CFAP97D2: variants seen among roughly 807,000 people sequenced by gnomAD.
CFAP97D2 encodes CFAP97 domain containing 2.
chr13:114,205,716 T>C (rs961716252), intron 3 of CFAP97D2, among the ~76,000 whole-genome samples: 2 of 152,120 alleles, frequency 1.3e-5, no homozygotes, highest in Non-Finnish European at 2.9e-5. Context: ...GACACACAGG[T>C]CTTCTGGGCT....
chr13:114,212,088 C>T (rs1267637868), exon 4 of CFAP97D2: 4 of 398,508 alleles, frequency 1.0e-5, no homozygotes, highest in East Asian at 3.6e-5. Context: ...ACAGCAGATA[C>T]GCCTAGCAAA....
In CFAP97D2 at chr13:114,211,954, G is replaced by A. The variant is rs2080968210; in HGVS notation, c.333G>A (p.Arg111=). Reference sequence around the variant, plus strand: ...GAGAACAGGAACTTCGCAGAGTGCGGAAGAAAACACGGCCATTCTGGAAGG... The same window carrying A: ...GAGAACAGGAACTTCGCAGAGTGCGAAAGAAAACACGGCCATTCTGGAAGG... The change falls in exon 4 of 5, where the codon CGG becomes CGA. Residue 111 remains arginine (R), a synonymous_variant. Coordinates refer to ENST00000646158, the Ensembl canonical transcript of CFAP97D2. The surrounding 1 kb of genome is among the most constrained non-coding windows in gnomAD (Gnocchi z 4.2). 2 of 398,772 alleles carry A rather than the reference G, an allele frequency of 5.0e-6. No homozygotes were observed. The highest frequency in any genetic ancestry group is 6.3e-4 in the Middle Eastern group (1 of 1,590). 24.7% of individuals were successfully genotyped at this position (398,772 alleles called of 1,614,324 possible).
chr13:114,214,747 C>T (rs1439965732), intron 4 of CFAP97D2, among the ~76,000 whole-genome samples: 6 of 152,068 alleles, frequency 3.9e-5, no homozygotes, highest in East Asian at 1.9e-4. Flanking sequence ...CCACTGCACC[C>T]GGCCATATTT....
At chr13:114,218,539 A>G (rs894003421) in intron 4 of CFAP97D2, among the ~76,000 whole-genome samples, 2 of 152,214 alleles carry the variant, frequency 1.3e-5, no homozygotes, top group Admixed American at 6.5e-5. Context: ...TGAAGTTCAT[A>G]TGGAACCAAA....
At chr13:114,218,802 G>C (rs1008911426) in intron 4 of CFAP97D2, among the ~76,000 whole-genome samples, 1 of 152,218 alleles carries the variant, frequency 6.6e-6, no homozygotes, top group Non-Finnish European at 1.5e-5. Flanking sequence ...AATAAATGGT[G>C]CTGGGAAAAC....
chr13:114,184,743 A>T (rs1566611066), intron 1 of CFAP97D2, among the ~76,000 whole-genome samples: 1 of 152,238 alleles, frequency 6.6e-6, no homozygotes, highest in Non-Finnish European at 1.5e-5. Context: ...CTTTAGAGAG[A>T]ACAAAAATGG....
intron 1 of CFAP97D2, among the ~76,000 whole-genome samples, chr13:114,190,616 C>G (rs1054951576): frequency 1.3e-5 from 2 of 152,092 alleles, no homozygotes; most frequent in African/African-American, 4.8e-5. Context: ...AAGAAAACTA[C>G]AAAACTCTGA....
intron 4 of CFAP97D2, among the ~76,000 whole-genome samples, chr13:114,217,253 C>G (rs1256363341): frequency 2.0e-5 from 3 of 152,204 alleles, no homozygotes; most frequent in Non-Finnish European, 2.9e-5. Flanking sequence ...ATAAACACCT[C>G]TACGCAAATA....
intron 1 of CFAP97D2, among the ~76,000 whole-genome samples, chr13:114,196,161 C>T (rs545513562): frequency 2.0e-5 from 3 of 151,784 alleles, no homozygotes; most frequent in South Asian, 4.2e-4. Flanking sequence ...AAATTCTCAC[C>T]CTGCACCCAC....
chr13:114,191,584 T>G (rs753740335), intron 1 of CFAP97D2, among the ~76,000 whole-genome samples: 3 of 152,218 alleles, frequency 2.0e-5, no homozygotes, highest in Admixed American at 1.3e-4. Flanking sequence ...TCCAGAACAC[T>G]GACAACACCA....
Position 114,203,232 on chromosome 13 carries a change from A to T in CFAP97D2, c.290+2789A>T, listed in dbSNP as rs1165816891. ...CAAGTTCAACAAGGTTGCAGAATAC[A>T]AGATCAATACACAAAAATCAATTGT... On this transcript the variant is annotated intron_variant, in intron 3 of 4. Transcript: ENST00000646158. This position sits in a 1 kb window ranked among gnomAD's most constrained non-coding sequence, Gnocchi z 4.3. 2.0e-5 allele frequency among the ~76,000 whole-genome samples: 3 copies of T among 152,244 alleles called. No homozygotes were observed. Among genetic ancestry groups the T allele is most frequent in the African/African-American group, 4.8e-5 (2 of 41,472 alleles).
Position 114,185,463 on chromosome 13 carries a change from G to A in CFAP97D2, c.90+6043G>A, listed in dbSNP as rs1170792318. 6.6e-6 allele frequency among the ~76,000 whole-genome samples: 1 copy of A among 152,186 alleles called. No individual in the cohort carries two copies. The highest frequency in any genetic ancestry group is 1.5e-5 in the Non-Finnish European group (1 of 68,032). ...AGCCTGTGGGAGCCAGGAATGAGTG[G>A]GAGCCCCACCCCTTCTGAGTTGGCA... On this transcript the variant is annotated intron_variant, in intron 1 of 4. Coordinates refer to ENST00000646158, the Ensembl canonical transcript of CFAP97D2. This position sits in a 1 kb window ranked among gnomAD's most constrained non-coding sequence, Gnocchi z 5.2.
chr13:114,187,806 A>G lies in CFAP97D2; in HGVS notation c.90+8386A>G. On this transcript the variant is annotated intron_variant, in intron 1 of 4. Transcript: ENST00000646158. The surrounding 1 kb of genome is among the most constrained non-coding windows in gnomAD (Gnocchi z 4.2). The stretch of plus-strand genomic sequence containing the variant: ...AACAGGATAATACTCATTCTTCTCA[A>G]GCTCACATGGAATATTCACCAAGAT... Among the ~76,000 whole-genome samples, 1 of 152,214 alleles carries G rather than the reference A, an allele frequency of 6.6e-6. No homozygotes were observed. Among genetic ancestry groups the G allele is most frequent in the East Asian group, 1.9e-4 (1 of 5,202 alleles).
chr13:114,199,164 A>G (rs1391733027), intron 2 of CFAP97D2, among the ~76,000 whole-genome samples: 1 of 41,638 alleles, frequency 2.4e-5, no homozygotes, highest in Non-Finnish European at 3.8e-5. Context: ...CCCCGTGTGT[A>G]CGGTCCCCGC....
In CFAP97D2 at chr13:114,187,205, G is replaced by A. The variant is rs1170317189; in HGVS notation, c.90+7785G>A. Among the ~76,000 whole-genome samples the A allele has an allele frequency of 6.6e-6, 1 of 152,026 alleles. No homozygotes were observed. The highest frequency in any genetic ancestry group is 2.1e-4 in the South Asian group (1 of 4,814). ...GTATGACTGATAAACTAAGAAGGGA[G>A]AGAAAATGGAATCATATAAAATGCT... On this transcript the variant is annotated intron_variant, in intron 1 of 4. Coordinates refer to ENST00000646158, the Ensembl canonical transcript of CFAP97D2. This position sits in a 1 kb window ranked among gnomAD's most constrained non-coding sequence, Gnocchi z 4.2.
Position 114,222,482 on chromosome 13 carries a change from T to C in CFAP97D2, c.481-16T>C, listed in dbSNP as rs1303146416. 10 of 398,606 alleles carry C rather than the reference T, an allele frequency of 2.5e-5. No individual in the cohort carries two copies. In the South Asian group the frequency reaches 7.6e-4, roughly 30 times the overall value. 24.7% of individuals were successfully genotyped at this position (398,606 alleles called of 1,614,324 possible). A position where few individuals can be genotyped will look rare whatever the true frequency, so the allele number is the denominator to read the frequency against. On this transcript the variant is annotated splice_polypyrimidine_tract_variant and intron_variant, in intron 4 of 4. Transcript: ENST00000646158. This position sits in a 1 kb window ranked among gnomAD's most constrained non-coding sequence, Gnocchi z 4.4. The stretch of plus-strand genomic sequence containing the variant: ...CCTAAGAAAGCGTTAGTTTCAAATA[T>C]GTATTTTAAATCCAGCAGGAAGTGA...
intron 2 of CFAP97D2, 45 bp from the exon 3 acceptor site, chr13:114,200,280 C>A (rs1182045433): frequency 1.3e-5 from 5 of 398,346 alleles, no homozygotes; most frequent in Non-Finnish European, 2.2e-5. Flanking sequence ...GAGGAAGAGC[C>A]TCGCAATCTG....
In CFAP97D2 at chr13:114,186,846, G is replaced by A. The variant is rs541087952; in HGVS notation, c.90+7426G>A. On this transcript the variant is annotated intron_variant, in intron 1 of 4. Transcript: ENST00000646158. The surrounding 1 kb of genome is among the most constrained non-coding windows in gnomAD (Gnocchi z 4.3). The stretch of plus-strand genomic sequence containing the variant: ...ACACTCACTCACTCACACACCCCTC[G>A]CCACTCCACTCCAGTCTCTTCAGAG... 5.3e-5 allele frequency among the ~76,000 whole-genome samples: 8 copies of A among 152,216 alleles called. No individual in the cohort carries two copies. The highest frequency in any genetic ancestry group is 3.4e-3 in the Middle Eastern group (1 of 294).
chr13:114,182,341 T>G (rs576432650), intron 1 of CFAP97D2, among the ~76,000 whole-genome samples: 37 of 152,222 alleles, frequency 2.4e-4, no homozygotes, highest in East Asian at 1.5e-3. Context: ...GGGCTGTTTT[T>G]CTCCTATCTC....
Sources: allele counts gnomAD v4.1 joint callset (sites outside exome capture counted in the v4.1 genomes callset), GRCh38; gene constraint gnomAD v4.1.1; non-coding constraint Gnocchi (gnomAD v3.1); transcripts MANE v1.5; gene names NCBI Gene and HGNC (gene_info 2026-07-23, HGNC 2026-07-21).